STX8: variants seen among roughly 807,000 people sequenced by gnomAD.
The protein encoded by STX8 is syntaxin 8, also known as syntaxin-8.
A neutral mutation model predicts 37.5 loss-of-function variants in STX8; 23 were observed. The ratio of observed to expected loss-of-function variants is 0.61; its 90% CI spans 0.44 to 0.87. The LOEUF (loss-of-function observed/expected upper bound fraction) is 0.87. STX8 is among the 40% of genes least tolerant of loss of function. The probability of loss-of-function intolerance (pLI) is 0.00; values close to 1 mark genes in which losing one functional copy is unlikely to be tolerated. For synonymous variants in STX8, 115 were observed against 99.1 expected (o/e 1.16, Z -0.95); for missense variants, 313 against 284.7 (o/e 1.10, Z -0.71).
intron 7 of STX8, among the ~76,000 whole-genome samples, chr17:9,316,164 T>A (rs1909375752): frequency 6.6e-6 from 1 of 152,080 alleles, no homozygotes; most frequent in Non-Finnish European, 1.5e-5. Flanking sequence ...ATCTGGGACA[T>A]GTGGATGGGC....
At chr17:9,294,916 G>T (rs1014446216) in intron 7 of STX8, among the ~76,000 whole-genome samples, 7 of 152,216 alleles carry the variant, frequency 4.6e-5, no homozygotes, top group African/African-American at 1.7e-4. Flanking sequence ...CATGCACAGA[G>T]GAAAGGCCAC....
intron 7 of STX8, among the ~76,000 whole-genome samples, chr17:9,352,327 T>C (rs889942288): frequency 6.6e-6 from 1 of 152,020 alleles, no homozygotes; most frequent in Non-Finnish European, 1.5e-5. Flanking sequence ...TTCCCATATC[T>C]TTTCACCCAA....
At chr17:9,526,339 GAA>G (rs1445775262) in intron 4 of STX8, among the ~76,000 whole-genome samples, 1 of 152,062 alleles carries the variant, frequency 6.6e-6, no homozygotes, top group East Asian at 1.9e-4. Context: ...GTATCAGAAA[GAA>G]AAAAGTCAAA....
chr17:9,368,826 G>T (rs1227700998), intron 7 of STX8, among the ~76,000 whole-genome samples: 1 of 152,044 alleles, frequency 6.6e-6, no homozygotes, highest in African/African-American at 2.4e-5. Context: ...TGAGCCCTTG[G>T]CTGACTCAGA....
intron 4 of STX8, among the ~76,000 whole-genome samples, chr17:9,533,626 C>G (rs1905906162): frequency 6.6e-6 from 1 of 152,044 alleles, no homozygotes; most frequent in Non-Finnish European, 1.5e-5. Flanking sequence ...TAAAACAACC[C>G]AAAAGGCCAG....
chr17:9,372,371 A>C (rs1347031604), intron 7 of STX8, among the ~76,000 whole-genome samples: 1 of 152,048 alleles, frequency 6.6e-6, no homozygotes, highest in Non-Finnish European at 1.5e-5. Flanking sequence ...GACATTTCCT[A>C]ATTAGAGTGG....
chr17:9,473,850 C>T (rs989446236), intron 6 of STX8, among the ~76,000 whole-genome samples: 1 of 152,110 alleles, frequency 6.6e-6, no homozygotes, highest in Non-Finnish European at 1.5e-5. Context: ...TGGACTCCTG[C>T]TAATTTCTTT....
intron 7 of STX8, among the ~76,000 whole-genome samples, chr17:9,286,915 C>T (rs1240076484): frequency 6.6e-6 from 1 of 152,106 alleles, no homozygotes; most frequent in Non-Finnish European, 1.5e-5. Flanking sequence ...AGCACTGGCC[C>T]TCACCTCTCA....
rs185364209 is a variant in STX8, at chr17:9,552,225, C to A, written c.212+5209G>T. 3.0e-3 allele frequency among the ~76,000 whole-genome samples: 451 copies of A among 152,236 alleles called. 3 individuals carry two copies. The highest frequency in any genetic ancestry group is 9.7e-3 in the African/African-American group (404 of 41,548). ...GGCATGGTGGCATACACCTGGACCC[C>A]TAGCTACTTGGGAGGCTGAGGCAGG... On this transcript the variant is annotated intron_variant, in intron 3 of 7. Coordinates refer to ENST00000306357, the MANE Select transcript of STX8 (RefSeq NM_004853.3).
chr17:9,517,741 C>T lies in STX8; in HGVS notation c.324-12579G>A, dbSNP rs140002955. On this transcript the variant is annotated intron_variant, in intron 4 of 7. Transcript: ENST00000306357. The stretch of plus-strand genomic sequence containing the variant: ...GGCCAAGGCAGGAGGACTGTTTGAG[C>T]CCAAGAGTTCAAGACCAGCCTGGGC... 1.6e-4 allele frequency among the ~76,000 whole-genome samples: 23 copies of T among 141,980 alleles called. No homozygotes were observed. The East Asian group carries it at 4.5e-3, about 28-fold the overall frequency. The allele number at this position is 141,980 out of a possible 152,430, so 93.1% of individuals were successfully genotyped here. A position where few individuals can be genotyped will look rare whatever the true frequency, so the allele number is the denominator to read the frequency against.
chr17:9,539,259 GAAAA>G (rs1906178021), intron 4 of STX8, among the ~76,000 whole-genome samples: 1 of 286 alleles, frequency 3.5e-3, no homozygotes, highest in East Asian at 0.5. Context: ...AGGAAGAAGA[GAAAA>G]GAGGGAAAAG....
chr17:9,457,047 G>A (rs1297141902), intron 6 of STX8, among the ~76,000 whole-genome samples: 3 of 152,210 alleles, frequency 2.0e-5, no homozygotes, highest in African/African-American at 7.2e-5. Context: ...TCACAGAAAT[G>A]TGTCTCTCAT....
chr17:9,546,752 C>T (rs1906544917), intron 3 of STX8, among the ~76,000 whole-genome samples: 1 of 151,254 alleles, frequency 6.6e-6, no homozygotes, highest in African/African-American at 2.4e-5. Flanking sequence ...CACGTGCCAC[C>T]ACGCGCAGCT....
intron 7 of STX8, among the ~76,000 whole-genome samples, chr17:9,356,139 C>T (rs1336241952): frequency 6.6e-6 from 1 of 152,152 alleles, no homozygotes; most frequent in Non-Finnish European, 1.5e-5. Context: ...TCTAAAATTA[C>T]TTAATATGTA....
intron 7 of STX8, among the ~76,000 whole-genome samples, chr17:9,368,922 CTTTT>C: frequency 6.9e-6 from 1 of 145,326 alleles, no homozygotes; most frequent in African/African-American, 2.5e-5. Flanking sequence ...ACCTTTTACC[CTTTT>C]TTTTTTTTTT....
At chr17:9,488,962 T>C (rs1470560832) in intron 6 of STX8, among the ~76,000 whole-genome samples, 2 of 152,078 alleles carry the variant, frequency 1.3e-5, no homozygotes, top group Non-Finnish European at 2.9e-5. Flanking sequence ...CTGCAACCCC[T>C]GCCTCCTGGG....
chr17:9,575,737 A>T (rs1327416547), intron 1 of STX8, 55 bp downstream of exon 1: 2 of 1,542,888 alleles, frequency 1.3e-6, no homozygotes, highest in Non-Finnish European at 1.7e-6. Flanking sequence ...GCTCTCCGGA[A>T]GCCCGGCCTC....
At chr17:9,555,184 T>A (rs1301045007) in intron 3 of STX8, 1 of 152,224 alleles carries the variant, frequency 6.6e-6, no homozygotes, top group Non-Finnish European at 1.5e-5. Context: ...TTTTGATGCT[T>A]ACTGCTTAAT....
At chr17:9,440,852 T>A (rs969514824) in intron 6 of STX8, among the ~76,000 whole-genome samples, 2 of 152,084 alleles carry the variant, frequency 1.3e-5, no homozygotes, top group Admixed American at 1.3e-4. Flanking sequence ...ACAGTTACTG[T>A]CATTTTGAAC....
Sources: gnomAD v4.1 joint callset for allele counts (sites outside exome capture counted in the v4.1 genomes callset) on GRCh38, gnomAD v4.1.1 for gene constraint, MANE v1.5 for transcripts, NCBI Gene and HGNC (gene_info 2026-07-23, HGNC 2026-07-21) for gene names.